The following BTD variants were observed in gnomAD, a reference collection of about 807,000 sequenced individuals.
The protein encoded by BTD is biotinidase.
BTD carries 13 observed loss-of-function variants against 17.7 expected under a neutral mutation model. The ratio of observed to expected loss-of-function variants is 0.74; its 90% CI spans 0.48 to 1.17. The LOEUF (loss-of-function observed/expected upper bound fraction) is 1.17. Ranked by LOEUF, BTD falls within the 50% of genes most tolerant of loss-of-function variation. BTD has a pLI of 0.00. For synonymous variants in BTD, 240 were observed against 245.2 expected (o/e 0.98, Z 0.20); for missense variants, 674 against 650.4 (o/e 1.04, Z -0.39).
chr3:15,696,287 G>A (rs1472105649), intron 3 of BTD: 7 of 1,258,816 alleles, frequency 5.6e-6, no homozygotes, highest in Non-Finnish European at 7.8e-6. Context: ...CCTAAATCCT[G>A]CATATTAACC....
At chr3:15,668,333 G>A (rs1430107485) in intron 3 of BTD, 1 of 151,534 alleles carries the variant, frequency 6.6e-6, no homozygotes, top group Non-Finnish European at 1.5e-5. Context: ...GCACACATAT[G>A]TATACTTTTA....
intron 1 of BTD, among the ~76,000 whole-genome samples, chr3:15,628,446 A>G (rs2065120107): frequency 6.6e-6 from 1 of 152,194 alleles, no homozygotes; most frequent in African/African-American, 2.4e-5. Flanking sequence ...TTTTCCATGC[A>G]CTGGTTCTTT....
At chr3:15,701,640 G>A (rs1007043917) in intron 3 of BTD, among the ~76,000 whole-genome samples, 29 of 150,788 alleles carry the variant, frequency 1.9e-4, no homozygotes, top group African/African-American at 6.0e-4. Context: ...TCAAAACTCC[G>A]TCTCAAAAAA....
chr3:15,641,386 C>T (rs2065502240), intron 2 of BTD, among the ~76,000 whole-genome samples: 1 of 152,208 alleles, frequency 6.6e-6, no homozygotes, highest in Admixed American at 6.5e-5. Context: ...GCCACTATCC[C>T]ACCCACAGTC....
At chr3:15,685,663 AAGAG>A (rs1559332806) in intron 3 of BTD, among the ~76,000 whole-genome samples, 1 of 152,218 alleles carries the variant, frequency 6.6e-6, no homozygotes, top group Non-Finnish European at 1.5e-5. Flanking sequence ...TGAAAACAGG[AAGAG>A]AGAAACTTGG....
intron 3 of BTD, chr3:15,694,842 A>T (rs1267320114): frequency 1.3e-6 from 2 of 1,594,894 alleles, no homozygotes. Flanking sequence ...TTTAAATGTC[A>T]GAAAGACATA....
intron 1 of BTD, among the ~76,000 whole-genome samples, chr3:15,605,224 C>T (rs1333039486): frequency 3.3e-5 from 5 of 152,172 alleles, no homozygotes; most frequent in East Asian, 1.9e-4. Flanking sequence ...GCTGGAGAGA[C>T]GTCACAATCA....
Position 15,650,620 on chromosome 3 carries a change from C to CAG in BTD, c.*5132_*5133insAG, listed in dbSNP as rs201635462. 4.4e-3 allele frequency among the ~76,000 whole-genome samples: 670 copies of CAG among 152,280 alleles called. 7 individuals carry two copies. The highest frequency in any genetic ancestry group is 0.015 in the South Asian group (73 of 4,824). On this transcript the variant is annotated 3_prime_UTR_variant, in exon 4 of 4. Transcript: ENST00000643237. ...CGTGTAGTTGCAACAATGGCCATGA[C>CAG]TTCTAGGCTTCATCTGCCCCTCTCA... is the stretch of plus-strand genomic sequence containing the variant.
At chr3:15,611,042 G>A (rs1202464551) in intron 1 of BTD, among the ~76,000 whole-genome samples, 1 of 151,420 alleles carries the variant, frequency 6.6e-6, no homozygotes, top group Non-Finnish European at 1.5e-5. Context: ...GCGTAAGTAT[G>A]TTCCAACATA....
At chr3:15,715,994 C>CTT (rs5846874), downstream of BTD, among the ~76,000 whole-genome samples, 1 of 142,710 alleles carries the variant, frequency 7.0e-6, no homozygotes. Context: ...TTTTTTCTCT[C>CTT]TTTTTTTTTT....
downstream of BTD, chr3:15,714,763 A>G (rs2072801779): frequency 1.3e-6 from 1 of 761,074 alleles, no homozygotes; most frequent in Admixed American, 3.9e-5. Context: ...ACTATTTTAC[A>G]TGAATTAAGT....
chr3:15,642,815 A>G (rs2065559825), intron 3 of BTD, among the ~76,000 whole-genome samples: 1 of 151,896 alleles, frequency 6.6e-6, no homozygotes, highest in Non-Finnish European at 1.5e-5. Flanking sequence ...AATTTTTGCT[A>G]TTATATTTTT....
At chr3:15,675,999 A>T in intron 3 of BTD, 1 of 1,607,812 alleles carries the variant, frequency 6.2e-7, no homozygotes, top group Non-Finnish European at 8.5e-7. Context: ...TCTAGGGGAA[A>T]AAACATGATA....
At chr3:15,715,994 CTTTTTTTTTTT>C (rs5846874), downstream of BTD, among the ~76,000 whole-genome samples, 1 of 142,712 alleles carries the variant, frequency 7.0e-6, no homozygotes, top group Non-Finnish European at 1.6e-5. Flanking sequence ...TTTTTTCTCT[CTTTTTTTTTTT>C]TGAGACTTGC....
At chr3:15,695,529 T>A (rs1293976753) in intron 3 of BTD, among the ~76,000 whole-genome samples, 3 of 152,152 alleles carry the variant, frequency 2.0e-5, no homozygotes, top group Non-Finnish European at 4.4e-5. Context: ...TATTTCCCCT[T>A]GAAGGGAAGC....
chr3:15,652,033 T>G lies in BTD; in HGVS notation c.*6545T>G, dbSNP rs2065812979. Among the ~76,000 whole-genome samples the G allele has an allele frequency of 6.6e-6, 1 of 152,188 alleles. No individual in the cohort carries two copies. ...GCATGTTACTTCTGAAATTGGGTTA[T>G]AAAAGGTACTGCAGACCGGGCACGG... is the stretch of plus-strand genomic sequence containing the variant. On this transcript the variant is annotated 3_prime_UTR_variant, in exon 4 of 4. Transcript: ENST00000643237.
chr3:15,720,590 A>G (rs1050121383), intron 4 of BTD, among the ~76,000 whole-genome samples: 1 of 152,208 alleles, frequency 6.6e-6, no homozygotes, highest in African/African-American at 2.4e-5. Context: ...GCCAAAATAC[A>G]AAACATTACC....
At chr3:15,675,297 A>G (rs992639086) in intron 3 of BTD, among the ~76,000 whole-genome samples, 3 of 152,150 alleles carry the variant, frequency 2.0e-5, no homozygotes, top group East Asian at 1.9e-4. Context: ...AACAACAACA[A>G]AAGAATGGAA....
intron 3 of BTD, chr3:15,676,035 GCACATA>G (rs752279913): frequency 1.5e-5 from 22 of 1,494,438 alleles, no homozygotes; most frequent in Admixed American, 1.1e-4. Flanking sequence ...GCATGTGCAT[GCACATA>G]CACATACACA....
Sources: allele counts gnomAD v4.1 joint callset (sites outside exome capture counted in the v4.1 genomes callset), GRCh38; gene constraint gnomAD v4.1.1; transcripts MANE v1.5; gene names NCBI Gene and HGNC (gene_info 2026-07-23, HGNC 2026-07-21).